The following SMG1 variants were observed in gnomAD, a reference collection of about 807,000 sequenced individuals.
The protein encoded by SMG1 is serine/threonine-protein kinase SMG1.
SMG1 carries 22 observed loss-of-function variants against 419.9 expected under a neutral mutation model. The ratio of observed to expected loss-of-function variants is 0.05; its 90% CI spans 0.04 to 0.07. SMG1 has a LOEUF of 0.07. Ranked by LOEUF, SMG1 falls within the 10% of genes least tolerant of loss-of-function variation. The pLI is 1.00. For missense variants in SMG1, 3,185 were observed against 4,342.0 expected (o/e 0.73, Z 7.49); for synonymous variants, 1,538 against 1,553.5 (o/e 0.99, Z 0.23).
intron 1 of SMG1, among the ~76,000 whole-genome samples, chr16:18,907,143 G>A (rs1207168429): frequency 2.0e-5 from 3 of 151,962 alleles, no homozygotes; most frequent in Non-Finnish European, 4.4e-5. Context: ...TTAGCTGGGT[G>A]TGGTGGCAGG....
intron 56 of SMG1, among the ~76,000 whole-genome samples, chr16:18,817,957 A>G (rs2032159655): frequency 6.6e-6 from 1 of 151,856 alleles, no homozygotes; most frequent in Non-Finnish European, 1.5e-5. Flanking sequence ...GCTGGAGTAT[A>G]GTGGCTTAAT....
At chr16:18,900,955 A>G (rs2037321361) in intron 1 of SMG1, among the ~76,000 whole-genome samples, 1 of 152,230 alleles carries the variant, frequency 6.6e-6, no homozygotes, top group African/African-American at 2.4e-5. Flanking sequence ...TGGGCCTTGT[A>G]TCATTACATT....
chr16:18,806,627 G>A lies in SMG1; in HGVS notation c.*2942C>T, dbSNP rs1445749735. On this transcript the variant is annotated 3_prime_UTR_variant, in exon 63 of 63. Transcript: ENST00000446231. Reference sequence around the variant, plus strand: ...AATTAGGCAATTCTAGTAAATTAAAGACAGCAAAAAACTTAAGATTGAACT... The same window carrying A: ...AATTAGGCAATTCTAGTAAATTAAAAACAGCAAAAAACTTAAGATTGAACT... The A allele has an allele frequency of 1.3e-5, 2 of 152,154 alleles. No homozygotes were observed. The highest frequency in any genetic ancestry group is 2.9e-5 in the Non-Finnish European group (2 of 68,036). The allele number at this position is 152,154 out of a possible 1,614,324, so 9.4% of individuals were successfully genotyped here.
rs2033637575 is a variant in SMG1 at position 18,837,296 on chromosome 16, C to T, written c.7561G>A (p.Gly2521Arg). The T allele has an allele frequency of 6.2e-7, 1 of 1,614,000 alleles. No individual in the cohort carries two copies. Among genetic ancestry groups the T allele is most frequent in the East Asian group, 2.2e-5 (1 of 44,880 alleles). Residue 2521 changes from glycine to arginine, a missense_variant, in exon 46 of 63, where the codon GGA becomes AGA. Coordinates refer to ENST00000446231, the MANE Select transcript of SMG1 (RefSeq NM_015092.5). ...KLLEEIEFLE[G>R]AEGVDHPSHT... ...GAAGGATGATCCACCCCTTCAGCTC[C>T]TTCTAGAAACTCTATTTCCTCCAGT...
intron 48 of SMG1, among the ~76,000 whole-genome samples, 159 bp downstream of exon 48, chr16:18,835,774 T>G (rs559028530): frequency 1.4e-4 from 21 of 152,136 alleles, no homozygotes; most frequent in African/African-American, 2.4e-4. Context: ...CTTGGTGGTG[T>G]TGTAGTCCCA....
intron 13 of SMG1, among the ~76,000 whole-genome samples, chr16:18,874,389 T>G (rs948534412): frequency 6.6e-6 from 1 of 151,496 alleles, no homozygotes; most frequent in Non-Finnish European, 1.5e-5. Flanking sequence ...TCAGCCCGAC[T>G]TGGCCTCCCA....
intron 20 of SMG1, among the ~76,000 whole-genome samples, 183 bp downstream of exon 20, chr16:18,868,921 G>GA (rs895845355): frequency 1.0e-3 from 156 of 148,956 alleles, no homozygotes; most frequent in Non-Finnish European, 1.3e-3. Context: ...AAGTTTTGGG[G>GA]AAAAAAAAAC....
chr16:18,855,014 A>G (rs2034819694), intron 29 of SMG1, 110 bp from the exon 30 acceptor site: 2 of 954,792 alleles, frequency 2.1e-6, no homozygotes, highest in East Asian at 5.0e-5. Context: ...CCACCTCCTG[A>G]AACAAAGATA....
At position 18,845,540 on chromosome 16, in the gene SMG1, A is replaced by G; in HGVS notation, c.6108T>C (p.His2036=). The G allele has an allele frequency of 6.2e-7, 1 of 1,613,938 alleles. No homozygotes were observed. Among genetic ancestry groups the G allele is most frequent in the Non-Finnish European group, 8.5e-7 (1 of 1,179,880 alleles). ...SITAAPAETP[H]EKWFQDNYGD... ...CATAGTTATCCTGAAACCATTTTTCATGAGGTGTTTCTGCAGGAGCCGCTG... is the reference window on the plus strand; with the variant it reads ...CATAGTTATCCTGAAACCATTTTTCGTGAGGTGTTTCTGCAGGAGCCGCTG... The change falls in exon 39 of 63, where the codon CAT becomes CAC. Residue 2036 remains histidine (H), a synonymous_variant. Coordinates refer to ENST00000446231, the MANE Select transcript of SMG1 (RefSeq NM_015092.5).
At position 18,829,342 on chromosome 16, in the gene SMG1, T is replaced by C; in HGVS notation, c.9547A>G (p.Ile3183Val). The C allele has an allele frequency of 6.2e-7, 1 of 1,613,964 alleles. No individual in the cohort carries two copies. The highest frequency in any genetic ancestry group is 2.2e-5 in the East Asian group (1 of 44,884). Residue 3183 changes from isoleucine (I) to valine (V), a missense_variant, in exon 54 of 63, where the codon ATT becomes GTT. This residue lies in a region of SMG1 where 737 missense variants were observed against 846.6 expected (regional missense o/e 0.87). Coordinates refer to ENST00000446231, the MANE Select transcript of SMG1 (RefSeq NM_015092.5). ...TGCAGGCTTGTCTTACAAGAAGAAATACTGGTTTCTAGCCTTCGCACCAAG... is the reference window on the plus strand; with the variant it reads ...TGCAGGCTTGTCTTACAAGAAGAAACACTGGTTTCTAGCCTTCGCACCAAG... Reference protein sequence around the residue: ...HDLVRRLETSISSCKTSLQRV... With the variant: ...HDLVRRLETSVSSCKTSLQRV...
In SMG1 at chr16:18,884,020, A is replaced by C. The variant is rs781345601; in HGVS notation, c.1119+50T>G. Reference sequence around the variant, plus strand: ...TTTTAAAATAAATCTAGCACAATTTAAGATTTTTTCTTAACCAAAATTTTA... The same window carrying C: ...TTTTAAAATAAATCTAGCACAATTTCAGATTTTTTCTTAACCAAAATTTTA... On this transcript the variant is annotated intron_variant, in intron 9 of 62. Coordinates refer to ENST00000446231, the MANE Select transcript of SMG1 (RefSeq NM_015092.5). The C allele has an allele frequency of 5.6e-6, 4 of 720,128 alleles. 1 individual carries two copies. Among genetic ancestry groups the C allele is most frequent in the South Asian group, 2.1e-5 (1 of 48,536 alleles). The allele number at this position is 720,128 out of a possible 1,614,324, so 44.6% of individuals were successfully genotyped here. A position where few individuals can be genotyped will look rare whatever the true frequency, so the allele number is the denominator to read the frequency against.
At chr16:18,896,707 C>T (rs2037142258) in intron 2 of SMG1, 86 bp downstream of exon 2, 1 of 937,820 alleles carries the variant, frequency 1.1e-6, no homozygotes, top group African/African-American at 1.6e-5. Flanking sequence ...TAGAAGAAAG[C>T]AAGAAAGTTG....
rs957597543 is a variant in SMG1, at chr16:18,809,483, G to A, written c.*86C>T. On this transcript the variant is annotated 3_prime_UTR_variant, in exon 63 of 63. Transcript: ENST00000446231. ...GCCCCCAGTTGCATCACCACCGACT[G>A]TGGTGTGGCTTTGGATGCCTGAGGC... 2.0e-6 allele frequency: 2 copies of A among 991,978 alleles called. No homozygotes were observed. The highest frequency in any genetic ancestry group is 1.6e-6 in the Non-Finnish European group (1 of 633,572). The allele number at this position is 991,978 out of a possible 1,614,324, so 61.4% of individuals were successfully genotyped here.
At chr16:18,845,782 C>G in intron 38 of SMG1, 131 bp from the exon 39 acceptor site, 1 of 573,632 alleles carries the variant, frequency 1.7e-6, no homozygotes, top group South Asian at 2.5e-5. Flanking sequence ...AAAGCAATAA[C>G]ATATTCACAA....
In SMG1 at chr16:18,896,850, A is replaced by G. The variant is rs777387947; in HGVS notation, c.199T>C (p.Ser67Pro). The change falls in exon 2 of 63, where the codon TCT becomes CCT. Residue 67 changes from serine to proline, a missense_variant. Ser to Pro is a moderately conservative substitution (Grantham distance 74). Coordinates refer to ENST00000446231, the MANE Select transcript of SMG1 (RefSeq NM_015092.5). ...CTGGTATCATCGTGCCTTTGCCGAG[A>G]CACCACAGCTGAATTTGAAGGTTGC... The part of the protein sequence containing the change: ...GLQPSNSAVV[S>P]RQRHDDTRVH... The G allele has an allele frequency of 5.7e-5, 91 of 1,609,610 alleles. No individual in the cohort carries two copies. The highest frequency in any genetic ancestry group is 7.1e-5 in the Non-Finnish European group (84 of 1,178,456).
intron 25 of SMG1, among the ~76,000 whole-genome samples, chr16:18,862,862 A>G (rs775270334): frequency 4.6e-5 from 7 of 152,202 alleles, no homozygotes; most frequent in Admixed American, 1.3e-4. Context: ...GAATACTCCA[A>G]GCCCACCATT....
chr16:18,814,993 C>T (rs1308307324), intron 60 of SMG1, among the ~76,000 whole-genome samples, 182 bp downstream of exon 60: 1 of 150,342 alleles, frequency 6.7e-6, no homozygotes. Context: ...GCTGAGATTA[C>T]AGGTGTGAGC....
chr16:18,881,145 T>TAA (rs1184342754), intron 10 of SMG1, among the ~76,000 whole-genome samples: 1 of 139,002 alleles, frequency 7.2e-6, no homozygotes, highest in Non-Finnish European at 1.6e-5. Context: ...AAATTAAATT[T>TAA]AAAAAAAAAA....
intron 15 of SMG1, among the ~76,000 whole-genome samples, 179 bp downstream of exon 15, chr16:18,872,001 TAAGA>T (rs2141609049): frequency 6.6e-6 from 1 of 152,272 alleles, no homozygotes; most frequent in East Asian, 1.9e-4. Flanking sequence ...TCAGAAAGAA[TAAGA>T]AAGCCTAGAT....
Sources: allele counts gnomAD v4.1 joint callset (sites outside exome capture counted in the v4.1 genomes callset), GRCh38; gene constraint gnomAD v4.1.1; regional missense constraint gnomAD v4.1.1; transcripts MANE v1.5; gene names NCBI Gene and HGNC (gene_info 2026-07-23, HGNC 2026-07-21).